Variants in SLCO3A1 observed in about 807,000 individuals in gnomAD.
The protein encoded by SLCO3A1 is solute carrier organic anion transporter family member 3A1.
In SLCO3A1, 27 loss-of-function variants were observed where a neutral mutation model predicts 63.1. The ratio of observed to expected loss-of-function variants is 0.43; its 90% CI spans 0.32 to 0.59. The LOEUF is 0.59. Ranked by LOEUF, SLCO3A1 falls within the 20% of genes least tolerant of loss-of-function variation. The pLI, the probability that SLCO3A1 is intolerant of heterozygous loss-of-function variation, is 0.09. For synonymous variants in SLCO3A1, 473 were observed against 409.9 expected (o/e 1.15, Z -1.86); for missense variants, 773 against 945.8 (o/e 0.82, Z 2.40).
chr15:92,100,565 A>AT (rs1335947359), intron 3 of SLCO3A1, among the ~76,000 whole-genome samples: 1 of 152,120 alleles, frequency 6.6e-6, no homozygotes, highest in Non-Finnish European at 1.5e-5. Flanking sequence ...AACTGCAGCC[A>AT]TTTTTTTTAA....
intron 1 of SLCO3A1, among the ~76,000 whole-genome samples, chr15:91,903,516 G>C (rs967365868): frequency 4.6e-5 from 7 of 152,158 alleles, no homozygotes; most frequent in Non-Finnish European, 8.8e-5. Context: ...GGGGAGCTGT[G>C]GGAGAGCAGG....
chr15:91,917,669 G>A (rs921916658), intron 2 of SLCO3A1, among the ~76,000 whole-genome samples: 27 of 152,184 alleles, frequency 1.8e-4, no homozygotes, highest in African/African-American at 6.3e-4. Flanking sequence ...AAGAGAAAAC[G>A]GCTCAGGCCA....
intron 2 of SLCO3A1, among the ~76,000 whole-genome samples, chr15:92,032,042 G>T (rs192238328): frequency 5.3e-5 from 8 of 152,256 alleles, no homozygotes; most frequent in African/African-American, 1.9e-4. Flanking sequence ...GGCCCAGGTC[G>T]TCCATGCATG....
intron 2 of SLCO3A1, among the ~76,000 whole-genome samples, chr15:92,065,868 C>G (rs2047145092): frequency 6.6e-6 from 1 of 152,152 alleles, no homozygotes. Context: ...ATGTGCTGGT[C>G]CTGTTGAGCC....
At chr15:92,009,201 C>A (rs1028566157) in intron 2 of SLCO3A1, among the ~76,000 whole-genome samples, 4 of 152,208 alleles carry the variant, frequency 2.6e-5, no homozygotes, top group African/African-American at 9.7e-5. Context: ...GGGAAGTCTG[C>A]AAACCTCTGC....
intron 2 of SLCO3A1, among the ~76,000 whole-genome samples, chr15:91,990,776 C>T (rs560048278): frequency 2.0e-5 from 3 of 152,262 alleles, no homozygotes; most frequent in South Asian, 4.2e-4. Context: ...GCCTAGAATG[C>T]CCCCTGCCAT....
intron 1 of SLCO3A1, among the ~76,000 whole-genome samples, chr15:91,870,795 C>T (rs1353761381): frequency 6.6e-6 from 1 of 152,102 alleles, no homozygotes; most frequent in East Asian, 1.9e-4. Context: ...TTTCTTTAGT[C>T]CTGTGTAGAT....
At chr15:92,104,183 C>A (rs987273689) in intron 3 of SLCO3A1, 96 bp from the exon 4 acceptor site, 3 of 1,395,130 alleles carry the variant, frequency 2.2e-6, no homozygotes, top group Non-Finnish European at 3.0e-6. Flanking sequence ...TTTCTAGAGC[C>A]CTTGCCCTCT....
At chr15:92,023,798 TTTA>T (rs1320314818) in intron 2 of SLCO3A1, among the ~76,000 whole-genome samples, 3 of 152,202 alleles carry the variant, frequency 2.0e-5, no homozygotes, top group Admixed American at 2.0e-4. Flanking sequence ...CAAACTTAAC[TTTA>T]AAAGTTGAGA....
chr15:91,909,049 C>T (rs573996745), intron 1 of SLCO3A1, among the ~76,000 whole-genome samples: 6 of 152,202 alleles, frequency 3.9e-5, no homozygotes, highest in South Asian at 2.1e-4. Context: ...CAACAGAGCG[C>T]GACTCTGTCT....
intron 2 of SLCO3A1, among the ~76,000 whole-genome samples, chr15:92,000,553 C>T (rs2046241640): frequency 6.6e-6 from 1 of 151,692 alleles, no homozygotes; most frequent in East Asian, 1.9e-4. Flanking sequence ...AAAAAGGAAT[C>T]AAAATAATAA....
chr15:92,132,586 T>G (rs1311875003), intron 7 of SLCO3A1, among the ~76,000 whole-genome samples: 1 of 135,870 alleles, frequency 7.4e-6, no homozygotes, highest in African/African-American at 2.7e-5. Flanking sequence ...TGGCTGTAAG[T>G]TGTATCCTTT....
intron 1 of SLCO3A1, among the ~76,000 whole-genome samples, chr15:91,889,744 G>A (rs1320342631): frequency 6.6e-6 from 1 of 152,224 alleles, no homozygotes; most frequent in Non-Finnish European, 1.5e-5. Flanking sequence ...TATGATAGCT[G>A]AATTTTGCTC....
At chr15:92,041,039 T>C (rs529147824) in intron 2 of SLCO3A1, among the ~76,000 whole-genome samples, 2 of 152,298 alleles carry the variant, frequency 1.3e-5, no homozygotes, top group South Asian at 4.1e-4. Flanking sequence ...TCCTTCATGA[T>C]GCCCATCTCA....
Position 91,968,111 on chromosome 15 carries a change from T to C in SLCO3A1, c.646+51653T>C, listed in dbSNP as rs2176452. On this transcript the variant is annotated intron_variant, in intron 2 of 9. Transcript: ENST00000318445. This position sits in a 1 kb window ranked among gnomAD's most constrained non-coding sequence, Gnocchi z 4.2. ...GTACCCAGGGAAGCCACTTACGGCC[T>C]ATCCATCAAAGCACAGTGCGTGTCT... Among the ~76,000 whole-genome samples the C allele has an allele frequency of 0.41, 62,530 of 151,812 alleles. 13,011 individuals carry two copies. Among genetic ancestry groups the C allele is most frequent in the African/African-American group, 0.44 (18,267 of 41,374 alleles).
chr15:92,025,462 G>A (rs1349600967), intron 2 of SLCO3A1, among the ~76,000 whole-genome samples: 1 of 151,720 alleles, frequency 6.6e-6, no homozygotes, highest in African/African-American at 2.4e-5. Flanking sequence ...TGCTGCTGCT[G>A]CTACCACTAC....
In SLCO3A1 at chr15:91,860,748, T is replaced by G. The variant is rs1196743478; in HGVS notation, c.180+6660T>G. On this transcript the variant is annotated intron_variant, in intron 1 of 9. Transcript: ENST00000318445. The surrounding 1 kb of genome is among the most constrained non-coding windows in gnomAD (Gnocchi z 5.5). ...AAACGTGCCTTCGCAGAGCTCAGCCTTGGTTGCCCAGAGGGGCTCAGGTCT... is the reference window on the plus strand; with the variant it reads ...AAACGTGCCTTCGCAGAGCTCAGCCGTGGTTGCCCAGAGGGGCTCAGGTCT... Among the ~76,000 whole-genome samples the G allele has an allele frequency of 6.6e-6, 1 of 152,242 alleles. No homozygotes were observed. The highest frequency in any genetic ancestry group is 1.5e-5 in the Non-Finnish European group (1 of 68,036).
At chr15:91,958,468 G>A (rs920974846) in intron 2 of SLCO3A1, among the ~76,000 whole-genome samples, 2 of 152,188 alleles carry the variant, frequency 1.3e-5, no homozygotes, top group African/African-American at 2.4e-5. Flanking sequence ...TTTCCCAGTC[G>A]GGTAATGCTG....
intron 2 of SLCO3A1, among the ~76,000 whole-genome samples, chr15:92,014,154 A>G (rs1276394964): frequency 6.6e-6 from 1 of 152,120 alleles, no homozygotes; most frequent in African/African-American, 2.4e-5. Context: ...GGGGAGAAAT[A>G]TATGGAGGAA....
Sources: allele counts gnomAD v4.1 joint callset (sites outside exome capture counted in the v4.1 genomes callset), GRCh38; gene constraint gnomAD v4.1.1; non-coding constraint Gnocchi (gnomAD v3.1); transcripts MANE v1.5; gene names NCBI Gene and HGNC (gene_info 2026-07-23, HGNC 2026-07-21).